ARHGAP32: variants seen among roughly 807,000 people sequenced by gnomAD.
ARHGAP32 encodes Rho GTPase activating protein 32, also known as rho GTPase-activating protein 32.
In ARHGAP32, 51 loss-of-function variants were observed where a neutral mutation model predicts 186.5. The observed-to-expected ratio is 0.27, with a 90% confidence interval of 0.22 to 0.35. The LOEUF is 0.35. Ranked by LOEUF, ARHGAP32 falls within the 10% of genes least tolerant of loss-of-function variation. ARHGAP32 has a pLI of 1.00. For synonymous variants in ARHGAP32, 950 were observed against 964.3 expected, an observed-to-expected ratio of 0.99 and a Z score of 0.27; for missense variants, 2,186 against 2,623.5, an observed-to-expected ratio of 0.83 and a Z score of 3.64.
intron 1 of ARHGAP32, among the ~76,000 whole-genome samples, chr11:129,264,522 G>C (rs1183358849): frequency 6.6e-6 from 1 of 152,130 alleles, no homozygotes; most frequent in Non-Finnish European, 1.5e-5. Context: ...TAAACAGTTA[G>C]CAATAACAGT....
chr11:129,108,832 T>C (rs921160906), intron 5 of ARHGAP32, among the ~76,000 whole-genome samples: 5 of 152,196 alleles, frequency 3.3e-5, no homozygotes, highest in Admixed American at 3.3e-4. Context: ...CATGTGATAT[T>C]TTGTTACAAG....
intron 6 of ARHGAP32, among the ~76,000 whole-genome samples, chr11:129,071,533 G>A (rs576576862): frequency 6.6e-6 from 1 of 151,992 alleles, no homozygotes; most frequent in Non-Finnish European, 1.5e-5. Flanking sequence ...CGTCAAAATG[G>A]CTATTATCAA....
chr11:129,210,815 TATG>T (rs1944570215), intron 1 of ARHGAP32, among the ~76,000 whole-genome samples: 1 of 152,144 alleles, frequency 6.6e-6, no homozygotes, highest in Admixed American at 6.6e-5. Context: ...GTAAATGGGG[TATG>T]ATGTTAATAT....
intron 1 of ARHGAP32, among the ~76,000 whole-genome samples, chr11:129,258,401 G>A (rs185863708): frequency 6.6e-6 from 1 of 152,238 alleles, no homozygotes; most frequent in East Asian, 1.9e-4. Context: ...ATTCCTTCTC[G>A]TTTCCTTTAG....
intron 5 of ARHGAP32, among the ~76,000 whole-genome samples, chr11:129,119,329 T>A (rs142242271): frequency 6.6e-6 from 1 of 152,174 alleles, no homozygotes; most frequent in African/African-American, 2.4e-5. Flanking sequence ...ACATTACAAC[T>A]GAATGTACCA....
intron 14 of ARHGAP32, 39 bp from the exon 15 acceptor site, chr11:128,986,124 G>C: frequency 6.8e-7 from 1 of 1,470,494 alleles, no homozygotes; most frequent in African/African-American, 1.4e-5. Flanking sequence ...AGTGAGCTCT[G>C]TTAGTAAAAA....
intron 11 of ARHGAP32, among the ~76,000 whole-genome samples, chr11:129,034,898 T>A (rs1243203936): frequency 6.9e-6 from 1 of 145,942 alleles, no homozygotes; most frequent in African/African-American, 2.5e-5. Context: ...TGAGACAATA[T>A]CAAATAATGT....
At chr11:129,110,297 C>G (rs557109460) in intron 5 of ARHGAP32, among the ~76,000 whole-genome samples, 1 of 152,194 alleles carries the variant, frequency 6.6e-6, no homozygotes, top group East Asian at 1.9e-4. Flanking sequence ...TTCCATTACT[C>G]TACATGTTTG....
At chr11:129,012,827 C>A (rs1591531526) in intron 11 of ARHGAP32, among the ~76,000 whole-genome samples, 1 of 152,354 alleles carries the variant, frequency 6.6e-6, no homozygotes, top group Non-Finnish European at 1.5e-5. Flanking sequence ...AGAACACATT[C>A]ATTTCCTTCA....
At chr11:129,165,357 G>C (rs1943614543) in intron 1 of ARHGAP32, among the ~76,000 whole-genome samples, 1 of 151,702 alleles carries the variant, frequency 6.6e-6, no homozygotes, top group Non-Finnish European at 1.5e-5. Context: ...AGATGGAGGA[G>C]CACTGAAAAA....
In ARHGAP32 at chr11:129,247,512, A is replaced by G. The variant is rs534870957; in HGVS notation, c.-5+31634T>C. Reference sequence around the variant, plus strand: ...TTCCTCCAAAATAAAAATGTACCAAATTATATTAATCTGCCTTCAAAGAAA... The same window carrying G: ...TTCCTCCAAAATAAAAATGTACCAAGTTATATTAATCTGCCTTCAAAGAAA... On this transcript the variant is annotated intron_variant, in intron 1 of 6. Transcript: ENST00000525234. Among the ~76,000 whole-genome samples, 88 of 152,338 alleles carry G rather than the reference A, an allele frequency of 5.8e-4. 1 individual carries two copies. The highest frequency in any genetic ancestry group is 2.0e-3 in the African/African-American group (83 of 41,574).
intron 1 of ARHGAP32, among the ~76,000 whole-genome samples, chr11:129,175,815 C>T (rs4528345): frequency 0.012 from 186 of 15,286 alleles, 1 homozygote; most frequent in East Asian, 0.037. Context: ...AAGGAACAAT[C>T]GGTACCAGCC....
chr11:129,151,022 G>A (rs1410914917), intron 2 of ARHGAP32, among the ~76,000 whole-genome samples: 4 of 151,606 alleles, frequency 2.6e-5, no homozygotes, highest in Non-Finnish European at 5.9e-5. Flanking sequence ...TTAAGGTAAA[G>A]GGGTGGGAAA....
chr11:129,168,506 A>C (rs1268901374), intron 1 of ARHGAP32, among the ~76,000 whole-genome samples: 3 of 152,244 alleles, frequency 2.0e-5, no homozygotes, highest in Non-Finnish European at 4.4e-5. Flanking sequence ...TTGTATGCAA[A>C]AAATAACAGC....
chr11:129,029,239 A>C (rs938918655), intron 11 of ARHGAP32, among the ~76,000 whole-genome samples: 11 of 152,212 alleles, frequency 7.2e-5, no homozygotes, highest in African/African-American at 2.4e-4. Context: ...TTGTAGTAAA[A>C]GCAAAAGGAA....
intron 1 of ARHGAP32, among the ~76,000 whole-genome samples, chr11:129,277,919 T>C (rs1461385156): frequency 6.6e-6 from 1 of 152,220 alleles, no homozygotes; most frequent in Non-Finnish European, 1.5e-5. Flanking sequence ...GATTCTCAGT[T>C]AGACTTCAAT....
chr11:129,009,177 G>T (rs1286501083), intron 11 of ARHGAP32, among the ~76,000 whole-genome samples: 1 of 151,982 alleles, frequency 6.6e-6, no homozygotes, highest in African/African-American at 2.4e-5. Context: ...TCTCTCAAAA[G>T]ATTTTTCTAA....
intron 12 of ARHGAP32, chr11:128,993,416 A>G (rs573333237): frequency 9.2e-5 from 14 of 152,062 alleles, no homozygotes; most frequent in Admixed American, 9.2e-4. Context: ...GGGTAAAGAC[A>G]CTATATTAAA....
rs146254474 is a variant in ARHGAP32, at chr11:129,267,931, A to T, written c.-5+11215T>A. On this transcript the variant is annotated intron_variant, in intron 1 of 6. Coordinates refer to the ARHGAP32 transcript ENST00000525234. ...CACAACCAGCTCTCTGTGGGGAACT[A>T]ACGGAGGGACAGCTCGCTCACTCAC... Among the ~76,000 whole-genome samples, 4 of 152,224 alleles carry T rather than the reference A, an allele frequency of 2.6e-5. No individual in the cohort carries two copies. In the East Asian group the frequency reaches 7.7e-4, roughly 29 times the overall value.
Sources: gnomAD v4.1 joint callset for allele counts (sites outside exome capture counted in the v4.1 genomes callset) on GRCh38, gnomAD v4.1.1 for gene constraint, MANE v1.5 for transcripts, NCBI Gene and HGNC (gene_info 2026-07-23, HGNC 2026-07-21) for gene names.